KRT86: variants seen among roughly 807,000 people sequenced by gnomAD.
KRT86 encodes the protein keratin, type II cuticular Hb6.
KRT86 carries 30 observed loss-of-function variants against 41.2 expected under a neutral mutation model. The observed-to-expected ratio is 0.73, with a 90% CI of 0.54 to 0.99. The LOEUF is 0.99. KRT86 is among the 50% of genes least tolerant of loss of function. The pLI is 0.00. For missense variants in KRT86, 561 were observed against 571.4 expected (o/e 0.98, Z 0.19); for synonymous variants, 238 against 238.1 (o/e 1.00, Z 0.00).
intron 2 of KRT86, chr12:52,291,436 G>T (rs1326820632): frequency 1.9e-6 from 3 of 1,612,510 alleles, no homozygotes; most frequent in Non-Finnish European, 2.5e-6. Context: ...AGCTGAAGGC[G>T]CGCCCACCAA....
At chr12:52,299,296 C>A (rs1938319356) in intron 2 of KRT86, among the ~76,000 whole-genome samples, 1 of 152,216 alleles carries the variant, frequency 6.6e-6, no homozygotes, top group African/African-American at 2.4e-5. Flanking sequence ...CTTTTTATGG[C>A]TGAATAATAT....
In KRT86 at chr12:52,305,715, C is replaced by T. The variant is rs1174382944; in HGVS notation, c.953C>T (p.Thr318Ile). ...AGGCACGGGGAGACCCTGCGCCGCA[C>T]CAAGGAGGAGATCAACGAGCTGAAC... ...VIRHGETLRR[T>I]KEEINELNRM... The change falls in exon 8 of 11, where the codon ACC (threonine) becomes ATC (isoleucine). Residue 318 changes from threonine to isoleucine, a missense_variant. Thr to Ile is a moderately conservative substitution (Grantham distance 89). Transcript: ENST00000423955. 1.2e-6 allele frequency: 2 copies of T among 1,614,050 alleles called. No individual in the cohort carries two copies. Among genetic ancestry groups the T allele is most frequent in the Admixed American group, 1.7e-5 (1 of 60,022 alleles).
In KRT86 at chr12:52,305,237, C is replaced by T; in HGVS notation, c.736-3C>T. ...CTAAAGTCACTGCCCTCACCTCCTG[C>T]AGGAGATCCGCGTTCTCCAGTCCCA... On this transcript the variant is annotated splice_region_variant and splice_polypyrimidine_tract_variant and intron_variant, in intron 6 of 10. Coordinates refer to ENST00000423955, the MANE Select transcript of KRT86 (RefSeq NM_001320198.2). 1 of 1,614,220 alleles carries T rather than the reference C, an allele frequency of 6.2e-7. No individual in the cohort carries two copies. The highest frequency in any genetic ancestry group is 8.5e-7 in the Non-Finnish European group (1 of 1,180,032).
chr12:52,287,266 G>A, intron 2 of KRT86: 3 of 1,614,088 alleles, frequency 1.9e-6, no homozygotes, highest in Non-Finnish European at 2.5e-6. Context: ...GGGCATCACT[G>A]AGGGCCGCCT....
chr12:52,295,868 C>T (rs1339914708), intron 2 of KRT86, among the ~76,000 whole-genome samples: 1 of 150,632 alleles, frequency 6.6e-6, no homozygotes, highest in African/African-American at 2.5e-5. Flanking sequence ...GGTGGGGACA[C>T]ATGAAGCAGA....
rs1215732606 is a variant in KRT86 at position 52,298,626 on chromosome 12, C to G, written c.-4-3287C>G. Among the ~76,000 whole-genome samples, 3 of 152,258 alleles carry G rather than the reference C, an allele frequency of 2.0e-5. No homozygotes were observed. In the East Asian group the frequency reaches 5.8e-4, roughly 29 times the overall value. On this transcript the variant is annotated intron_variant, in intron 2 of 10. Transcript: ENST00000423955. ...TCTTTACAACTTTATGAGGTGGGTA[C>G]TATTATTATCTTCATTTTAGAAATC...
At chr12:52,304,490 G>C (rs527286776) in intron 5 of KRT86, among the ~76,000 whole-genome samples, 1,629 of 151,040 alleles carry the variant, frequency 0.011, 21 homozygotes, top group African/African-American at 0.037. Context: ...TCTGCTGAGA[G>C]ACAGTGCAGT....
At chr12:52,292,644 A>G (rs1242825452) in intron 2 of KRT86, among the ~76,000 whole-genome samples, 1 of 151,574 alleles carries the variant, frequency 6.6e-6, no homozygotes, top group Non-Finnish European at 1.5e-5. Context: ...TAGACAGTGC[A>G]TATAAAGAAC....
At chr12:52,291,606 G>C in intron 2 of KRT86, 1 of 1,343,602 alleles carries the variant, frequency 7.4e-7, no homozygotes, top group Non-Finnish European at 1.0e-6. Flanking sequence ...ATGATGTTGG[G>C]GCAATTTGCG....
chr12:52,283,470 A>AT (rs200241229), intron 2 of KRT86, among the ~76,000 whole-genome samples: 862 of 65,324 alleles, frequency 0.013, 33 homozygotes, highest in African/African-American at 0.017. Flanking sequence ...TAATCCAAGC[A>AT]TTTTTTTTTT....
chr12:52,280,086 C>T (rs11170068), intron 2 of KRT86, among the ~76,000 whole-genome samples: 40,280 of 152,054 alleles, frequency 0.26, 6,029 homozygotes, highest in East Asian at 0.39. Flanking sequence ...GAGATGAACA[C>T]AATTGGGTGG....
intron 2 of KRT86, among the ~76,000 whole-genome samples, chr12:52,299,144 CTCTA>C (rs562832797): frequency 2.6e-4 from 40 of 152,290 alleles, no homozygotes; most frequent in Admixed American, 3.9e-4. Flanking sequence ...TCATTCTACT[CTCTA>C]TCTGATGAGA....
intron 2 of KRT86, among the ~76,000 whole-genome samples, chr12:52,296,040 C>A (rs1938242179): frequency 6.6e-6 from 1 of 152,034 alleles, no homozygotes; most frequent in African/African-American, 2.4e-5. Flanking sequence ...GAACAAGGAT[C>A]TTGAAGGCCT....
chr12:52,301,825 G>A, intron 2 of KRT86, 88 bp from the exon 3 acceptor site: 2 of 1,612,734 alleles, frequency 1.2e-6, no homozygotes, highest in Non-Finnish European at 1.7e-6. Flanking sequence ...GCCTACAGAG[G>A]TGCAAGTAGT....
chr12:52,299,106 C>T (rs1592433699), intron 2 of KRT86, among the ~76,000 whole-genome samples: 1 of 152,222 alleles, frequency 6.6e-6, no homozygotes, highest in Admixed American at 6.5e-5. Context: ...TTCCCCTCCC[C>T]ATTACCCTTC....
chr12:52,293,464 G>A (rs1448793947), intron 2 of KRT86, among the ~76,000 whole-genome samples: 18 of 152,144 alleles, frequency 1.2e-4, no homozygotes, highest in Non-Finnish European at 2.6e-4. Context: ...AGTGAAAGTT[G>A]TTTACAGGGG....
At chr12:52,281,375 G>A (rs961689253) in intron 2 of KRT86, among the ~76,000 whole-genome samples, 1 of 152,226 alleles carries the variant, frequency 6.6e-6, no homozygotes, top group Admixed American at 6.5e-5. Flanking sequence ...AGCCCCAGGA[G>A]GGCAGTGAAG....
At chr12:52,291,543 A>G (rs1938126236) in intron 2 of KRT86, 1 of 1,576,922 alleles carries the variant, frequency 6.3e-7, no homozygotes, top group Non-Finnish European at 8.6e-7. Flanking sequence ...TGTGCTCCTC[A>G]GGGCACCGCA....
At chr12:52,286,060 G>A (rs1937917959) in intron 2 of KRT86, 4 of 614,028 alleles carry the variant, frequency 6.5e-6, no homozygotes, top group Non-Finnish European at 1.2e-5. Context: ...TTCTTTCTAG[G>A]GTGGCCTTTC....
Sources: allele counts gnomAD v4.1 joint callset (sites outside exome capture counted in the v4.1 genomes callset), GRCh38; gene constraint gnomAD v4.1.1; transcripts MANE v1.5; gene names NCBI Gene and HGNC (gene_info 2026-07-23, HGNC 2026-07-21).